The following PDZD8 variants were observed in gnomAD, a reference collection of about 807,000 sequenced individuals.
PDZD8 encodes the protein PDZ domain containing 8, also known as PDZ domain-containing protein 8.
A neutral mutation model predicts 85.8 loss-of-function variants in PDZD8; 14 were observed. That is an observed-to-expected ratio of 0.16 (90% CI 0.11 to 0.26). The LOEUF (loss-of-function observed/expected upper bound fraction) is 0.26. Among genes scored for constraint, PDZD8 ranks in the 10% least tolerant of loss-of-function variants. The probability of loss-of-function intolerance (pLI) is 1.00; values close to 1 mark genes in which losing one functional copy is unlikely to be tolerated. For missense variants in PDZD8, 1,197 were observed against 1,424.3 expected (o/e 0.84, Z 2.57); for synonymous variants, 592 against 568.6 (o/e 1.04, Z -0.59).
At chr10:117,335,070 A>C (rs981194034) in intron 2 of PDZD8, among the ~76,000 whole-genome samples, 1 of 152,208 alleles carries the variant, frequency 6.6e-6, no homozygotes, top group Admixed American at 6.5e-5. Flanking sequence ...AAACACAAAG[A>C]AAGCTCCCTC....
At chr10:117,336,546 C>T (rs1479839601) in intron 2 of PDZD8, among the ~76,000 whole-genome samples, 2 of 151,542 alleles carry the variant, frequency 1.3e-5, no homozygotes, top group African/African-American at 4.9e-5. Flanking sequence ...AATTGGGGCT[C>T]TTTGGAAAAA....
intron 2 of PDZD8, among the ~76,000 whole-genome samples, chr10:117,339,634 A>G (rs1443057789): frequency 5.3e-5 from 8 of 152,270 alleles, no homozygotes; most frequent in Non-Finnish European, 1.0e-4. Context: ...AAATTCATAT[A>G]CAAAGTTTTA....
At position 117,285,022 on chromosome 10, in the gene PDZD8, CAGA is replaced by C. The variant is rs1271293409; in HGVS notation, c.1708_1710del (p.Ser570del). 1.2e-6 allele frequency: 2 copies of C among 1,613,986 alleles called. No individual in the cohort carries two copies. Among genetic ancestry groups the C allele is most frequent in the African/African-American group, 1.3e-5 (1 of 74,976 alleles). On this transcript the variant is annotated inframe_deletion, in exon 5 of 5. Transcript: ENST00000334464. The stretch of plus-strand genomic sequence containing the variant: ...GACACTTGTGCTGGGTCTGTTATCT[CAGA>C]AGTTTTTAGGGGTGGAGGTTTATTT...
At chr10:117,350,926 G>C (rs1425857116) in intron 1 of PDZD8, among the ~76,000 whole-genome samples, 1 of 151,172 alleles carries the variant, frequency 6.6e-6, no homozygotes, top group Non-Finnish European at 1.5e-5. Context: ...AGTTACAAAT[G>C]ATTGCTTCTG....
At chr10:117,362,462 G>T (rs1205086588) in intron 1 of PDZD8, among the ~76,000 whole-genome samples, 5 of 151,914 alleles carry the variant, frequency 3.3e-5, no homozygotes, top group Non-Finnish European at 7.4e-5. Flanking sequence ...AATAAAACAG[G>T]AATTCCTCAT....
chr10:117,319,234 T>A (rs187785415), intron 2 of PDZD8, among the ~76,000 whole-genome samples: 1 of 152,194 alleles, frequency 6.6e-6, no homozygotes, highest in African/African-American at 2.4e-5. Context: ...ACTCATTAGG[T>A]AAAGAAATTG....
rs1184755532 is a variant in PDZD8 at position 117,305,455 on chromosome 10, CAT to C, written c.1098+13415_1098+13416del. ...CAAACAAAATACACACACACACACA[CAT>C]ATATACACACACATACACACACACA... On this transcript the variant is annotated intron_variant, in intron 3 of 4. Transcript: ENST00000334464. Among the ~76,000 whole-genome samples the C allele has an allele frequency of 4.3e-4, 32 of 74,676 alleles. No homozygotes were observed. In the East Asian group the frequency reaches 0.014, roughly 32 times the overall value. 49.0% of individuals were successfully genotyped at this position (74,676 alleles called of 152,430 possible).
chr10:117,329,630 A>G (rs375939603), intron 2 of PDZD8, among the ~76,000 whole-genome samples: 3 of 152,076 alleles, frequency 2.0e-5, no homozygotes, highest in East Asian at 3.9e-4. Context: ...CTCATGCTAT[A>G]AGAAAGTCAT....
chr10:117,353,610 G>C (rs1457274488), intron 1 of PDZD8, among the ~76,000 whole-genome samples: 1 of 152,082 alleles, frequency 6.6e-6, no homozygotes, highest in Non-Finnish European at 1.5e-5. Flanking sequence ...TTAAAGGTTT[G>C]ATAGTGGGAT....
intron 1 of PDZD8, among the ~76,000 whole-genome samples, chr10:117,348,362 A>T (rs1038805666): frequency 2.0e-5 from 3 of 152,206 alleles, no homozygotes; most frequent in Non-Finnish European, 4.4e-5. Context: ...TAATCCTTAC[A>T]ACCTCCAAAC....
At chr10:117,302,300 ATTT>A (rs1350446466) in intron 3 of PDZD8, among the ~76,000 whole-genome samples, 4 of 152,192 alleles carry the variant, frequency 2.6e-5, no homozygotes, top group African/African-American at 9.6e-5. Flanking sequence ...GAGATACCAC[ATTT>A]ACTAGGTGTC....
chr10:117,320,898 G>A (rs10082478), intron 2 of PDZD8, among the ~76,000 whole-genome samples: 22,657 of 152,022 alleles, frequency 0.15, 1,977 homozygotes, highest in East Asian at 0.41. Context: ...TGGTCAACAA[G>A]CACATGAAAA....
intron 1 of PDZD8, among the ~76,000 whole-genome samples, chr10:117,352,921 T>C (rs934107390): frequency 7.2e-5 from 11 of 151,956 alleles, no homozygotes; most frequent in Non-Finnish European, 1.5e-4. Flanking sequence ...GGCTTGCTGC[T>C]GATTGGTTGG....
At chr10:117,331,413 T>C (rs912769359) in intron 2 of PDZD8, among the ~76,000 whole-genome samples, 1 of 152,178 alleles carries the variant, frequency 6.6e-6, no homozygotes, top group African/African-American at 2.4e-5. Context: ...TGCCAGACAT[T>C]GCACAGCTAA....
chr10:117,369,358 C>T (rs900167270), intron 1 of PDZD8, among the ~76,000 whole-genome samples: 3 of 151,772 alleles, frequency 2.0e-5, no homozygotes, highest in Non-Finnish European at 4.4e-5. Flanking sequence ...GGGGTTTCGC[C>T]ATGTTGACCA....
chr10:117,345,967 G>A (rs924112384), intron 1 of PDZD8, among the ~76,000 whole-genome samples: 11 of 152,088 alleles, frequency 7.2e-5, no homozygotes, highest in Admixed American at 2.6e-4. Context: ...TCAGCCAGGC[G>A]CGGTGGCTCA....
At chr10:117,344,201 C>T (rs945243077) in intron 1 of PDZD8, among the ~76,000 whole-genome samples, 9 of 152,104 alleles carry the variant, frequency 5.9e-5, no homozygotes, top group Non-Finnish European at 1.3e-4. Context: ...CAGTGAAATT[C>T]GTGAAAATTA....
chr10:117,353,990 G>C (rs956763295), intron 1 of PDZD8, among the ~76,000 whole-genome samples: 2 of 151,954 alleles, frequency 1.3e-5, no homozygotes, highest in Non-Finnish European at 2.9e-5. Context: ...TCAAACTTGC[G>C]CCCTTCTCTC....
intron 1 of PDZD8, among the ~76,000 whole-genome samples, chr10:117,344,717 A>G (rs979507133): frequency 1.6e-4 from 25 of 152,122 alleles, no homozygotes; most frequent in Admixed American, 1.5e-3. Flanking sequence ...TGCCAGGAAC[A>G]CAGGGCTCCC....
Sources: allele counts gnomAD v4.1 joint callset (sites outside exome capture counted in the v4.1 genomes callset), GRCh38; gene constraint gnomAD v4.1.1; transcripts MANE v1.5; gene names NCBI Gene and HGNC (gene_info 2026-07-23, HGNC 2026-07-21).